The following ANKRD54 variants were observed in gnomAD, a reference collection of about 807,000 sequenced individuals.
ANKRD54 encodes ankyrin repeat domain-containing protein 54.
Under a neutral mutation model 36.2 loss-of-function variants are expected in ANKRD54, and 26 were observed. The ratio of observed to expected loss-of-function variants is 0.72; its 90% CI spans 0.53 to 1.00. ANKRD54 has a LOEUF of 1.00. Ranked by LOEUF, ANKRD54 falls within the 50% of genes least tolerant of loss-of-function variation. The pLI, the probability that ANKRD54 is intolerant of heterozygous loss-of-function variation, is 0.00. For synonymous variants in ANKRD54, 209 were observed against 188.4 expected (o/e 1.11, Z -0.89); for missense variants, 384 against 424.3 (o/e 0.91, Z 0.83).
rs1924053022 is a variant in ANKRD54, at chr22:37,840,233, A to G, written c.330T>C (p.Ala110=). 6.2e-7 allele frequency: 1 copy of G among 1,613,808 alleles called. No homozygotes were observed. The highest frequency in any genetic ancestry group is 1.7e-5 in the Admixed American group (1 of 59,976). Residue 110 remains alanine (A), a splice_region_variant and synonymous_variant, in exon 2 of 8, where the codon GCT becomes GCC. Coordinates refer to ENST00000215941, the MANE Select transcript of ANKRD54 (RefSeq NM_138797.4). The part of the protein sequence containing the change: ...RLGPTGKEVH[A]LKRLRDSANA... The stretch of plus-strand genomic sequence containing the variant: ...TGGCCGAGTCCCTCAGTCTCTTCAG[A>G]GCTGTAAAGAGAGTAACGGATGCCA...
At chr22:37,838,651 A>G in intron 2 of ANKRD54, 53 bp from the exon 3 acceptor site, 2 of 1,555,228 alleles carry the variant, frequency 1.3e-6, no homozygotes, top group Non-Finnish European at 8.7e-7. Context: ...GATGTTAGCT[A>G]AGCTGCAGAC....
At chr22:37,838,060 G>A (rs1232330752) in intron 3 of ANKRD54, among the ~76,000 whole-genome samples, 4 of 152,030 alleles carry the variant, frequency 2.6e-5, no homozygotes, top group Admixed American at 1.3e-4. Context: ...GCGTGAACCC[G>A]GGAGGCAGAG....
At position 37,844,255 on chromosome 22, in the gene ANKRD54, G is replaced by C. The variant is rs749078989; in HGVS notation, c.-17C>G. Reference sequence around the variant, plus strand: ...GGCTGCCATGGCAACGGCTCCGCGCGGGCCTGGCCGCCTGAGCCTCGTTCC... The same window carrying C: ...GGCTGCCATGGCAACGGCTCCGCGCCGGCCTGGCCGCCTGAGCCTCGTTCC... On this transcript the variant is annotated 5_prime_UTR_variant, in exon 1 of 8. Coordinates refer to ENST00000215941, the MANE Select transcript of ANKRD54 (RefSeq NM_138797.4). 4.2e-5 allele frequency: 65 copies of C among 1,544,134 alleles called. No individual in the cohort carries two copies. In the East Asian group the frequency reaches 1.7e-3, roughly 39 times the overall value.
intron 3 of ANKRD54, among the ~76,000 whole-genome samples, chr22:37,836,845 A>G (rs1465298109): frequency 3.9e-5 from 6 of 152,070 alleles, no homozygotes; most frequent in African/African-American, 1.4e-4. Flanking sequence ...CCTGGCCAAC[A>G]TGGTGAAACC....
intron 1 of ANKRD54, among the ~76,000 whole-genome samples, chr22:37,841,764 C>T (rs1261310554): frequency 5.9e-5 from 9 of 151,822 alleles, no homozygotes; most frequent in Non-Finnish European, 1.3e-4. Flanking sequence ...AGGAGAATCA[C>T]TTGAACTTGA....
intron 2 of ANKRD54, 51 bp from the exon 3 acceptor site, chr22:37,838,649 C>A (rs554207805): frequency 1.3e-6 from 2 of 1,559,522 alleles, no homozygotes; most frequent in Admixed American, 3.7e-5. Context: ...GCGATGTTAG[C>A]TAAGCTGCAG....
At chr22:37,835,336 T>TA (rs1159403554) in intron 3 of ANKRD54, among the ~76,000 whole-genome samples, 2 of 152,210 alleles carry the variant, frequency 1.3e-5, no homozygotes, top group East Asian at 3.9e-4. Context: ...CACTCCAGCC[T>TA]AGGCAACAGA....
Position 37,832,066 on chromosome 22 carries a change from G to A in ANKRD54, c.829-49C>T, listed in dbSNP as rs541663701. 38 of 1,543,160 alleles carry A rather than the reference G, an allele frequency of 2.5e-5. No individual in the cohort carries two copies. The South Asian group carries it at 4.2e-4, about 17-fold the overall frequency. On this transcript the variant is annotated intron_variant, in intron 7 of 7. Transcript: ENST00000215941. ...GTTATGGGACACGGGGTGTGCCAGG[G>A]CTCCTGGGTCTCTTCCACAATCCCA...
At chr22:37,849,278 C>T, upstream of ANKRD54, 1 of 798,318 alleles carries the variant, frequency 1.3e-6, no homozygotes, top group Non-Finnish European at 2.2e-6. Context: ...AGGTGTGAGC[C>T]ACGGAACGCG....
At chr22:37,844,593 C>G (rs575006024), upstream of ANKRD54, among the ~76,000 whole-genome samples, 1 of 152,280 alleles carries the variant, frequency 6.6e-6, no homozygotes, top group African/African-American at 2.4e-5. Context: ...GCATTTCAGA[C>G]GCTTTTTTTT....
chr22:37,844,705 G>A (rs1482839674), upstream of ANKRD54, among the ~76,000 whole-genome samples: 3 of 152,036 alleles, frequency 2.0e-5, no homozygotes, highest in African/African-American at 7.2e-5. Flanking sequence ...GAGTAGCTGG[G>A]ACTACAGGCG....
chr22:37,839,676 C>T (rs1383997785), intron 2 of ANKRD54, among the ~76,000 whole-genome samples: 4 of 152,306 alleles, frequency 2.6e-5, no homozygotes, highest in East Asian at 1.9e-4. Context: ...CGTGAGCCAC[C>T]GCGCCCAGCT....
At chr22:37,847,516 G>A (rs530785044), upstream of ANKRD54, among the ~76,000 whole-genome samples, 11 of 152,210 alleles carry the variant, frequency 7.2e-5, no homozygotes, top group African/African-American at 1.4e-4. Context: ...AAGTTAGCTC[G>A]GTTCGAGCCA....
intron 6 of ANKRD54, 58 bp downstream of exon 6, chr22:37,832,900 G>A (rs1601717109): frequency 1.2e-6 from 2 of 1,608,048 alleles, no homozygotes; most frequent in Non-Finnish European, 8.5e-7. Context: ...TGTGGTTAGG[G>A]CAGCATCTGT....
chr22:37,836,098 T>G (rs9607495), intron 3 of ANKRD54, among the ~76,000 whole-genome samples: 1 of 149,562 alleles, frequency 6.7e-6, no homozygotes, highest in Non-Finnish European at 1.5e-5. Context: ...CCTCCCAAAG[T>G]GCTGGGATTA....
chr22:37,844,360 C>T, upstream of ANKRD54: 1 of 1,156,452 alleles, frequency 8.6e-7, no homozygotes, highest in Non-Finnish European at 1.2e-6. Flanking sequence ...CCCGCAACCA[C>T]GGCAACCGAG....
Position 37,843,968 on chromosome 22 carries a change from G to C in ANKRD54, c.271C>G (p.Leu91Val). The change falls in exon 1 of 8, where the codon CTG becomes GTG. Residue 91 changes from leucine (L) to valine (V), a missense_variant. By Grantham distance (32) the Leu-to-Val change is conservative. Around this residue, in one of 3 missense-constraint regions of ANKRD54, gnomAD observed 195 missense variants for 177.7 expected, o/e 1.10. Coordinates refer to ENST00000215941, the MANE Select transcript of ANKRD54 (RefSeq NM_138797.4). ...CGGTGGGGCCTGGCAGCGCGCCTCA[G>C]CCGGCCAGCGGGTATCTTGCAGCGC... ...ELRCKIPAGR[L>V]RRAARPHRRL... The C allele has an allele frequency of 7.1e-7, 1 of 1,411,028 alleles. No individual in the cohort carries two copies. Among genetic ancestry groups the C allele is most frequent in the South Asian group, 1.5e-5 (1 of 66,806 alleles). The allele number at this position is 1,411,028 out of a possible 1,614,324, so 87.4% of individuals were successfully genotyped here.
In ANKRD54 at chr22:37,844,193, GGCCTGAGC is replaced by G; in HGVS notation, c.38_45del (p.Arg13ProfsTer17). Reference sequence around the variant, plus strand: ...GCGCACTCGCCCTCCGAGCTCGAGTGGCCTGAGCGCGGCTCGTCGTCCGCGTCCCCGGC... The same window carrying G: ...GCGCACTCGCCCTCCGAGCTCGAGTGGCGGCTCGTCGTCCGCGTCCCCGGC... On this transcript the variant is annotated frameshift_variant, in exon 1 of 8. Coordinates refer to ENST00000215941, the MANE Select transcript of ANKRD54 (RefSeq NM_138797.4). LOFTEE classifies it high-confidence loss of function. 1 of 1,518,958 alleles carries G rather than the reference GGCCTGAGC, an allele frequency of 6.6e-7. No individual in the cohort carries two copies. The highest frequency in any genetic ancestry group is 8.8e-7 in the Non-Finnish European group (1 of 1,142,000). The allele number at this position is 1,518,958 out of a possible 1,614,324, so 94.1% of individuals were successfully genotyped here. A position where few individuals can be genotyped will look rare whatever the true frequency, so the allele number is the denominator to read the frequency against.
chr22:37,832,746 T>G lies in ANKRD54; in HGVS notation c.721-2A>C. The G allele has an allele frequency of 6.2e-7, 1 of 1,614,086 alleles. No individual in the cohort carries two copies. Among genetic ancestry groups the G allele is most frequent in the African/African-American group, 1.3e-5 (1 of 75,042 alleles). On this transcript the variant is annotated splice_acceptor_variant, in intron 6 of 7. Transcript: ENST00000215941. LOFTEE classifies it high-confidence loss of function. Reference sequence around the variant, plus strand: ...ATACTCCCTCAGCATATGGATGATCTGGAACAAGAGGGTGAGCTGAGCTGC... The same window carrying G: ...ATACTCCCTCAGCATATGGATGATCGGGAACAAGAGGGTGAGCTGAGCTGC...
Sources: gnomAD v4.1 joint callset for allele counts (sites outside exome capture counted in the v4.1 genomes callset) on GRCh38, gnomAD v4.1.1 for gene constraint, gnomAD v4.1.1 regional missense constraint, MANE v1.5 for transcripts, NCBI Gene and HGNC (gene_info 2026-07-23, HGNC 2026-07-21) for gene names.